PCDHGB6: variants seen among roughly 807,000 people sequenced by gnomAD.
The protein encoded by PCDHGB6 is protocadherin gamma-B6.
PCDHGB6 carries 51 observed loss-of-function variants against 59.1 expected under a neutral mutation model. The observed-to-expected ratio is 0.86, with a 90% CI of 0.69 to 1.09. The LOEUF (loss-of-function observed/expected upper bound fraction) is 1.09, where lower values mean the gene tolerates loss of function less well. Among genes scored for constraint, PCDHGB6 ranks in the 50% least tolerant of loss-of-function variants. The pLI is 0.00. For missense variants in PCDHGB6, 1,148 were observed against 1,205.1 expected, an observed-to-expected ratio of 0.95 and a Z score of 0.70; for synonymous variants, 466 against 495.1, an observed-to-expected ratio of 0.94 and a Z score of 0.78.
chr5:141,410,788 C>A, intron 1 of PCDHGB6, 168 bp downstream of exon 1: 2 of 712,228 alleles, frequency 2.8e-6, no homozygotes, highest in Non-Finnish European at 4.0e-6. Context: ...GTATTTGGTT[C>A]ATAAGTTGCT....
chr5:141,441,627 G>C (rs1239011684), intron 1 of PCDHGB6: 1 of 223,512 alleles, frequency 4.5e-6, no homozygotes, highest in Non-Finnish European at 9.0e-6. Context: ...CAGTGACCTG[G>C]AGCCACAGGC....
Position 141,485,399 on chromosome 5 carries a change from C to T in PCDHGB6, c.2419-9408C>T. On this transcript the variant is annotated intron_variant, in intron 1 of 3. Coordinates refer to ENST00000520790, the MANE Select transcript of PCDHGB6 (RefSeq NM_018926.3). This position sits in a 1 kb window ranked among gnomAD's most constrained non-coding sequence, Gnocchi z 5.7. ...TGGAGAGGTGAACCAAAGACACTTC[C>T]GTGTGGATTTGGACAGCGGAGCCCT... 3 of 1,614,000 alleles carry T rather than the reference C, an allele frequency of 1.9e-6. No homozygotes were observed. The highest frequency in any genetic ancestry group is 2.5e-6 in the Non-Finnish European group (3 of 1,179,922).
At chr5:141,453,087 T>G (rs2098755775) in intron 1 of PCDHGB6, among the ~76,000 whole-genome samples, 1 of 152,150 alleles carries the variant, frequency 6.6e-6, no homozygotes, top group Non-Finnish European at 1.5e-5. Context: ...TTGATTAGTA[T>G]ATTTTCTGTT....
intron 1 of PCDHGB6, among the ~76,000 whole-genome samples, chr5:141,459,559 A>AC (rs920626314): frequency 6.6e-6 from 1 of 152,198 alleles, no homozygotes; most frequent in Non-Finnish European, 1.5e-5. Flanking sequence ...TTGGATAAAT[A>AC]CCCCAAAACA....
At position 141,486,094 on chromosome 5, in the gene PCDHGB6, C is replaced by G. The variant is rs749887136; in HGVS notation, c.2419-8713C>G. 2 of 1,614,112 alleles carry G rather than the reference C, an allele frequency of 1.2e-6. No homozygotes were observed. Among genetic ancestry groups the G allele is most frequent in the Admixed American group, 3.3e-5 (2 of 60,018 alleles). ...CTGGAAAGCTTACTCTTTTGGGGCCCCTAGACTTTGAGAGTGAGAATTACT... is the reference window on the plus strand; with the variant it reads ...CTGGAAAGCTTACTCTTTTGGGGCCGCTAGACTTTGAGAGTGAGAATTACT... On this transcript the variant is annotated intron_variant, in intron 1 of 3. Coordinates refer to ENST00000520790, the MANE Select transcript of PCDHGB6 (RefSeq NM_018926.3). The surrounding 1 kb of genome is among the most constrained non-coding windows in gnomAD (Gnocchi z 5.0).
Position 141,431,253 on chromosome 5 carries a change from A to G in PCDHGB6, c.2418+20633A>G, listed in dbSNP as rs1554123268. The G allele has an allele frequency of 1.2e-6, 2 of 1,614,132 alleles. No individual in the cohort carries two copies. Among genetic ancestry groups the G allele is most frequent in the South Asian group, 1.1e-5 (1 of 91,088 alleles). ...GCCTGGGATCCGGATATCGGGAAGA[A>G]CTCTCTGCAGAGCTACGAGCTCAGC... is the stretch of plus-strand genomic sequence containing the variant. On this transcript the variant is annotated intron_variant, in intron 1 of 3. Transcript: ENST00000520790. The surrounding 1 kb of genome is among the most constrained non-coding windows in gnomAD (Gnocchi z 4.8).
intron 1 of PCDHGB6, chr5:141,421,700 C>G: frequency 6.2e-7 from 1 of 1,613,900 alleles, no homozygotes; most frequent in Non-Finnish European, 8.5e-7. Context: ...CTTCCTAATG[C>G]TAGGGATCCA....
chr5:141,418,505 G>A, intron 1 of PCDHGB6: 1 of 1,614,006 alleles, frequency 6.2e-7, no homozygotes, highest in Non-Finnish European at 8.5e-7. Flanking sequence ...GACCGCCTTA[G>A]ATGGTGGGGA....
intron 1 of PCDHGB6, among the ~76,000 whole-genome samples, chr5:141,483,361 A>C (rs752805137): frequency 4.6e-5 from 7 of 152,102 alleles, no homozygotes; most frequent in Non-Finnish European, 7.4e-5. Flanking sequence ...TTTGAAAGCT[A>C]TTGCAATATT....
intron 1 of PCDHGB6, among the ~76,000 whole-genome samples, chr5:141,481,105 T>C (rs1357970765): frequency 6.6e-6 from 1 of 152,188 alleles, no homozygotes; most frequent in Non-Finnish European, 1.5e-5. Flanking sequence ...CTCTGGAACC[T>C]ACCAATCCAT....
intron 1 of PCDHGB6, chr5:141,419,448 TC>T: frequency 6.2e-7 from 1 of 1,612,980 alleles, no homozygotes; most frequent in Non-Finnish European, 8.5e-7. Context: ...ACCTTCGAGC[TC>T]ACGCTGCAGG....
rs772070270 is a variant in PCDHGB6, at chr5:141,410,342, C to T, written c.2140C>T (p.Arg714Cys). 7.4e-6 allele frequency: 12 copies of T among 1,613,946 alleles called. No homozygotes were observed. The highest frequency in any genetic ancestry group is 9.3e-6 in the Non-Finnish European group (11 of 1,179,918). Residue 714 changes from arginine (R) to cysteine (C), a missense_variant, in exon 1 of 4, where the codon CGC becomes TGC. Arg to Cys is a radical substitution (Grantham distance 180). Coordinates refer to ENST00000520790, the MANE Select transcript of PCDHGB6 (RefSeq NM_018926.3). ...CGCCGTGATTCTGGCCATTGCCTTG[C>T]GCCTGCGACGCTCTCTCAGCCCTGC... ...LLAVILAIAL[R>C]LRRSLSPATW...
At chr5:141,460,010 G>A (rs376180479) in intron 1 of PCDHGB6, among the ~76,000 whole-genome samples, 1 of 152,126 alleles carries the variant, frequency 6.6e-6, no homozygotes, top group Admixed American at 6.5e-5. Context: ...CCCAGGAGGC[G>A]GAGGTTGCAG....
chr5:141,501,852 A>G (rs922276780), intron 2 of PCDHGB6, among the ~76,000 whole-genome samples: 2 of 151,924 alleles, frequency 1.3e-5, no homozygotes, highest in African/African-American at 4.8e-5. Context: ...TCAACCTTCA[A>G]CCATTTCCCA....
rs773471969 is a variant in PCDHGB6, at chr5:141,422,101, A to G, written c.2418+11481A>G. 11 of 1,610,046 alleles carry G rather than the reference A, an allele frequency of 6.8e-6. No individual in the cohort carries two copies. The highest frequency in any genetic ancestry group is 4.5e-5 in the East Asian group (2 of 44,870). ...GAACATGGAAAGCAAGGCTTCTGAA[A>G]TATTCCAATTGGATTCACAAACTGG... On this transcript the variant is annotated intron_variant, in intron 1 of 3. Coordinates refer to ENST00000520790, the MANE Select transcript of PCDHGB6 (RefSeq NM_018926.3).
intron 1 of PCDHGB6, chr5:141,414,557 A>C: frequency 6.2e-7 from 1 of 1,613,906 alleles, no homozygotes. Flanking sequence ...CAAGTCTCCT[A>C]CTTTACCTAT....
chr5:141,450,150 G>T (rs1314865325), intron 1 of PCDHGB6, among the ~76,000 whole-genome samples: 1 of 150,342 alleles, frequency 6.7e-6, no homozygotes, highest in Non-Finnish European at 1.5e-5. Flanking sequence ...GGGACTACAG[G>T]CATGTGCCAC....
At position 141,485,348 on chromosome 5, in the gene PCDHGB6, C is replaced by A; in HGVS notation, c.2419-9459C>A. ...AGATTTCCTGCTGGATACGGACAGT[C>A]TGTCAGCTCGCAGGCTGCAGGTCGC... On this transcript the variant is annotated intron_variant, in intron 1 of 3. Coordinates refer to ENST00000520790, the MANE Select transcript of PCDHGB6 (RefSeq NM_018926.3). This position sits in a 1 kb window ranked among gnomAD's most constrained non-coding sequence, Gnocchi z 5.7. 6.2e-7 allele frequency: 1 copy of A among 1,614,146 alleles called. No individual in the cohort carries two copies. Among genetic ancestry groups the A allele is most frequent in the Non-Finnish European group, 8.5e-7 (1 of 1,180,008 alleles).
chr5:141,408,352 C>T lies in PCDHGB6; in HGVS notation c.150C>T (p.Leu50=). ...ELAKGSVVGN[L]AKDLGLSVLD... is the part of the protein sequence containing the mutation. ...CCAAGGGCTCGGTGGTGGGGAACCT[C>T]GCTAAGGATCTAGGGCTCAGTGTCC... The change falls in exon 1 of 4, where the codon CTC becomes CTT. Residue 50 remains leucine, a synonymous_variant. Transcript: ENST00000520790. 6.2e-7 allele frequency: 1 copy of T among 1,613,918 alleles called. No individual in the cohort carries two copies. The highest frequency in any genetic ancestry group is 1.1e-5 in the South Asian group (1 of 91,080).
Sources: gnomAD v4.1 joint callset for allele counts (sites outside exome capture counted in the v4.1 genomes callset) on GRCh38, gnomAD v4.1.1 for gene constraint, Gnocchi (gnomAD v3.1) non-coding constraint, MANE v1.5 for transcripts, NCBI Gene and HGNC (gene_info 2026-07-23, HGNC 2026-07-21) for gene names.